The following KCNQ1 variants were observed in gnomAD, a reference collection of about 807,000 sequenced individuals.
The protein encoded by KCNQ1 is potassium voltage-gated channel subfamily KQT member 1.
Under a neutral mutation model 72.4 loss-of-function variants are expected in KCNQ1, and 49 were observed. The ratio of observed to expected loss-of-function variants is 0.68; its 90% CI spans 0.54 to 0.86. The LOEUF is 0.86. Among genes scored for constraint, KCNQ1 ranks in the 40% least tolerant of loss-of-function variants. The probability of loss-of-function intolerance (pLI) is 0.00; values close to 1 mark genes in which losing one functional copy is unlikely to be tolerated. For missense variants in KCNQ1, 790 were observed against 945.1 expected (o/e 0.84, Z 2.15); for synonymous variants, 450 against 412.6 (o/e 1.09, Z -1.10).
chr11:2,454,225 G>T (rs953640175), intron 1 of KCNQ1, among the ~76,000 whole-genome samples: 7 of 152,152 alleles, frequency 4.6e-5, no homozygotes, highest in African/African-American at 9.7e-5. Context: ...AGGGTGGCGG[G>T]GGGGGAGGTG....
rs949898027 is a variant in KCNQ1 at position 2,683,344 on chromosome 11, A to C, written c.1514+21263A>C. ...GGTTTCCCCCGCTCAACACTAGGCC[A>C]CTGTGCCTGCCACTGCTGTCTGCAA... On this transcript the variant is annotated intron_variant, in intron 11 of 15. Transcript: ENST00000155840. The surrounding 1 kb of genome is among the most constrained non-coding windows in gnomAD (Gnocchi z 4.7). 2.5e-6 allele frequency: 1 copy of C among 398,534 alleles called. No individual in the cohort carries two copies. Among genetic ancestry groups the C allele is most frequent in the Non-Finnish European group, 4.4e-6 (1 of 226,040 alleles). 24.7% of individuals were successfully genotyped at this position (398,534 alleles called of 1,614,324 possible).
chr11:2,607,673 C>T (rs989994073), intron 10 of KCNQ1, among the ~76,000 whole-genome samples: 1 of 152,292 alleles, frequency 6.6e-6, no homozygotes, highest in East Asian at 1.9e-4. Flanking sequence ...GCCACCAGTT[C>T]GTGATACTTT....
At position 2,662,016 on chromosome 11, in the gene KCNQ1, C is replaced by T. The variant is rs1849966701; in HGVS notation, c.1449C>T (p.Asn483=). The change falls in exon 11 of 16, where the codon AAC becomes AAT. Residue 483 remains asparagine (N), a synonymous_variant. Transcript: ENST00000155840. ...GCATGCCCCATTTCATGAGAACCAA[C>T]AGCTTCGCCGAGGACCTGGACCTGG... ...EVSMPHFMRT[N]SFAEDLDLEG... is the part of the protein sequence containing the mutation. The T allele has an allele frequency of 1.9e-6, 3 of 1,614,222 alleles. No homozygotes were observed. Among genetic ancestry groups the T allele is most frequent in the Non-Finnish European group, 2.5e-6 (3 of 1,180,040 alleles).
At position 2,659,867 on chromosome 11, in the gene KCNQ1, T is replaced by C; in HGVS notation, c.1394-2094T>C. On this transcript the variant is annotated intron_variant, in intron 10 of 15. Coordinates refer to ENST00000155840, the MANE Select transcript of KCNQ1 (RefSeq NM_000218.3). The surrounding 1 kb of genome is among the most constrained non-coding windows in gnomAD (Gnocchi z 4.3). ...ATGTATCTTTTCATGTGCTTATTTA[T>C]AATCCATTTTTAAAATTGGATTGTT... 5.0e-6 allele frequency: 2 copies of C among 398,488 alleles called. No individual in the cohort carries two copies. Among genetic ancestry groups the C allele is most frequent in the Non-Finnish European group, 8.9e-6 (2 of 225,988 alleles). The allele number at this position is 398,488 out of a possible 1,614,324, so 24.7% of individuals were successfully genotyped here.
intron 10 of KCNQ1, chr11:2,615,398 T>C: frequency 2.5e-6 from 1 of 398,108 alleles, no homozygotes; most frequent in Admixed American, 4.4e-5. Flanking sequence ...TGTTTGTTTA[T>C]TTATCTGCCT....
chr11:2,685,680 G>A, intron 11 of KCNQ1: 1 of 398,668 alleles, frequency 2.5e-6, no homozygotes, highest in Non-Finnish European at 4.4e-6. Context: ...GGGGTCCCAT[G>A]TGGACTTCAG....
intron 1 of KCNQ1, 112 bp downstream of exon 1, chr11:2,445,596 G>A (rs1846026216): frequency 7.9e-7 from 1 of 1,264,260 alleles, no homozygotes; most frequent in Admixed American, 2.0e-5. Flanking sequence ...CCGGAGCAGA[G>A]GAGGGAAGGA....
At chr11:2,707,172 AT>A (rs1243257285) in intron 11 of KCNQ1, among the ~76,000 whole-genome samples, 1 of 151,912 alleles carries the variant, frequency 6.6e-6, no homozygotes, top group Non-Finnish European at 1.5e-5. Flanking sequence ...AGCAGGTGTG[AT>A]GGGGTGGTGA....
At chr11:2,539,118 G>T (rs1489585706) in intron 2 of KCNQ1, among the ~76,000 whole-genome samples, 1 of 152,174 alleles carries the variant, frequency 6.6e-6, no homozygotes, top group Non-Finnish European at 1.5e-5. Context: ...TGTCCCGTCG[G>T]CAGCCCGTGG....
rs1037235516 is a variant in KCNQ1 at position 2,734,879 on chromosome 11, C to A, written c.1515-33965C>A. ...GGGCCTGGCTGTGGCTTCCCAGGCC[C>A]CGGCTGGGACCACCGCAGAGGTGAT... On this transcript the variant is annotated intron_variant, in intron 11 of 15. Transcript: ENST00000155840. This position sits in a 1 kb window ranked among gnomAD's most constrained non-coding sequence, Gnocchi z 7.0. Among the ~76,000 whole-genome samples, 21 of 151,924 alleles carry A rather than the reference C, an allele frequency of 1.4e-4. No individual in the cohort carries two copies. In the South Asian group the frequency reaches 4.0e-3, roughly 29 times the overall value.
chr11:2,554,171 G>A (rs1253900704), intron 2 of KCNQ1, among the ~76,000 whole-genome samples: 1 of 152,184 alleles, frequency 6.6e-6, no homozygotes, highest in Non-Finnish European at 1.5e-5. Flanking sequence ...GAATGAGTTG[G>A]GAAATATTTC....
At chr11:2,571,951 GGCCCGGCGTGAACA>G in intron 4 of KCNQ1, 48 bp from the exon 5 acceptor site, 1 of 1,438,436 alleles carries the variant, frequency 7.0e-7, no homozygotes, top group East Asian at 2.3e-5. Context: ...GCCAGCCCTA[GGCCCGGCGTGAACA>G]GCTGAGCCCA....
At chr11:2,461,186 T>G (rs1846271942) in intron 1 of KCNQ1, among the ~76,000 whole-genome samples, 2 of 152,186 alleles carry the variant, frequency 1.3e-5, no homozygotes, top group South Asian at 4.2e-4. Flanking sequence ...TGGTGATGGG[T>G]CAGGTGTGAT....
chr11:2,766,711 C>T lies in KCNQ1; in HGVS notation c.1515-2133C>T, dbSNP rs1365989183. 6.6e-6 allele frequency among the ~76,000 whole-genome samples: 1 copy of T among 152,218 alleles called. No individual in the cohort carries two copies. Among genetic ancestry groups the T allele is most frequent in the Non-Finnish European group, 1.5e-5 (1 of 68,040 alleles). ...ACCCAATTACATGTGGCATCATGCTCAAAGTCCGACATCTTGTGATCTGCC... is the reference window on the plus strand; with the variant it reads ...ACCCAATTACATGTGGCATCATGCTTAAAGTCCGACATCTTGTGATCTGCC... On this transcript the variant is annotated intron_variant, in intron 11 of 15. Transcript: ENST00000155840. The surrounding 1 kb of genome is among the most constrained non-coding windows in gnomAD (Gnocchi z 4.4).
rs1847958766 is a variant in KCNQ1 at position 2,550,008 on chromosome 11, G to C, written c.478-20620G>C. Among the ~76,000 whole-genome samples, 1 of 152,328 alleles carries C rather than the reference G, an allele frequency of 6.6e-6. No individual in the cohort carries two copies. The highest frequency in any genetic ancestry group is 2.1e-4 in the South Asian group (1 of 4,828). On this transcript the variant is annotated intron_variant, in intron 2 of 15. Coordinates refer to ENST00000155840, the MANE Select transcript of KCNQ1 (RefSeq NM_000218.3). The surrounding 1 kb of genome is among the most constrained non-coding windows in gnomAD (Gnocchi z 6.0). ...AGAGACGGGGAGGCCAGGGTGCAGGGGACTGTTTGGGCCTCGAGAGGGACG... is the reference window on the plus strand; with the variant it reads ...AGAGACGGGGAGGCCAGGGTGCAGGCGACTGTTTGGGCCTCGAGAGGGACG...
chr11:2,717,311 T>C (rs1439074873), intron 11 of KCNQ1, among the ~76,000 whole-genome samples: 1 of 151,984 alleles, frequency 6.6e-6, no homozygotes, highest in African/African-American at 2.4e-5. Flanking sequence ...TACCCCAGAG[T>C]GAGAGCCTCG....
intron 1 of KCNQ1, among the ~76,000 whole-genome samples, chr11:2,504,469 AAGAG>A (rs1847067746): frequency 6.6e-6 from 1 of 152,166 alleles, no homozygotes; most frequent in South Asian, 2.1e-4. Flanking sequence ...AAATAACTAA[AAGAG>A]AGCTGGGCAC....
chr11:2,461,596 G>C, intron 1 of KCNQ1: 1 of 1,360,008 alleles, frequency 7.4e-7, no homozygotes, highest in Middle Eastern at 2.2e-4. Flanking sequence ...TTGTTTACGT[G>C]GCCCCTGCTC....
intron 15 of KCNQ1, among the ~76,000 whole-genome samples, chr11:2,802,087 C>CA (rs1425409950): frequency 6.6e-6 from 1 of 152,220 alleles, no homozygotes; most frequent in Non-Finnish European, 1.5e-5. Context: ...CACCCAGACT[C>CA]ACACCGGCCC....
Sources: gnomAD v4.1 joint callset for allele counts (sites outside exome capture counted in the v4.1 genomes callset) on GRCh38, gnomAD v4.1.1 for gene constraint, Gnocchi (gnomAD v3.1) non-coding constraint, MANE v1.5 for transcripts, NCBI Gene and HGNC (gene_info 2026-07-23, HGNC 2026-07-21) for gene names.